Variants in JAK2 observed in about 807,000 individuals in gnomAD.
JAK2 encodes Janus kinase 2.
Under a neutral mutation model 139.3 loss-of-function variants are expected in JAK2, and 86 were observed. That is an observed-to-expected ratio of 0.62 (90% CI 0.52 to 0.74). JAK2 has a LOEUF of 0.74. Among genes scored for constraint, JAK2 ranks in the 30% least tolerant of loss-of-function variants. The pLI is 0.00. For missense variants in JAK2, 1,421 were observed against 1,360.3 expected (o/e 1.04, Z -0.70); for synonymous variants, 490 against 437.7 (o/e 1.12, Z -1.49).
Position 5,070,072 on chromosome 9 carries a change from TTAC to T in JAK2, c.1641+22_1641+24del. ...ATATTTGTAAGTCATTAGATACTCA[TTAC>T]TGTCTTTTTTGTCCTTTTAAAACAA... is the stretch of plus-strand genomic sequence containing the variant. On this transcript the variant is annotated intron_variant, in intron 12 of 24. Coordinates refer to ENST00000381652, the MANE Select transcript of JAK2 (RefSeq NM_004972.4). 6.4e-7 allele frequency: 1 copy of T among 1,561,818 alleles called. No individual in the cohort carries two copies. Among genetic ancestry groups the T allele is most frequent in the Non-Finnish European group, 8.7e-7 (1 of 1,144,774 alleles).
chr9:5,106,122 C>G (rs1282536489), intron 22 of JAK2, among the ~76,000 whole-genome samples: 1 of 152,030 alleles, frequency 6.6e-6, no homozygotes, highest in Non-Finnish European at 1.5e-5. Flanking sequence ...AGTGGACAGG[C>G]AACCTACAGA....
chr9:5,028,215 A>C (rs1482081586), intron 3 of JAK2, among the ~76,000 whole-genome samples: 7 of 152,212 alleles, frequency 4.6e-5, no homozygotes, highest in Non-Finnish European at 8.8e-5. Flanking sequence ...CAGGCATGAA[A>C]ACAACATGAA....
intron 22 of JAK2, among the ~76,000 whole-genome samples, chr9:5,107,343 A>C (rs1822046172): frequency 6.6e-6 from 1 of 152,158 alleles, no homozygotes; most frequent in Non-Finnish European, 1.5e-5. Context: ...ATGAAGGCAG[A>C]TTTGACCCAA....
chr9:5,004,196 T>C (rs987735818), intron 2 of JAK2, among the ~76,000 whole-genome samples: 1 of 152,176 alleles, frequency 6.6e-6, no homozygotes, highest in Non-Finnish European at 1.5e-5. Context: ...TTGTTATTGG[T>C]AATCACCATG....
At chr9:5,095,972 C>G (rs1412142292) in intron 22 of JAK2, among the ~76,000 whole-genome samples, 1 of 152,170 alleles carries the variant, frequency 6.6e-6, no homozygotes, top group Non-Finnish European at 1.5e-5. Context: ...ATTCTACTAT[C>G]CCTAGGAGCT....
At position 5,071,595 on chromosome 9, in the gene JAK2, C is replaced by G. The variant is rs148539331; in HGVS notation, c.1642-897C>G. Among the ~76,000 whole-genome samples, 3 of 152,098 alleles carry G rather than the reference C, an allele frequency of 2.0e-5. No homozygotes were observed. The East Asian group carries it at 5.8e-4, about 29-fold the overall frequency. The stretch of plus-strand genomic sequence containing the variant: ...AGATGTAGTGAACCTCAAGACAGAT[C>G]TGAAGAAATTAAGAATGCAGCAGTT... On this transcript the variant is annotated intron_variant, in intron 12 of 24. Transcript: ENST00000381652.
At chr9:5,038,949 T>A (rs190524770) in intron 4 of JAK2, among the ~76,000 whole-genome samples, 91 of 152,128 alleles carry the variant, frequency 6.0e-4, no homozygotes, top group Middle Eastern at 3.4e-3. Context: ...TTTGATAAAA[T>A]CCAGCATCCC....
intron 22 of JAK2, among the ~76,000 whole-genome samples, chr9:5,121,778 T>C (rs1823632078): frequency 6.6e-6 from 1 of 152,190 alleles, no homozygotes; most frequent in South Asian, 2.1e-4. Flanking sequence ...TTTGTTCTTT[T>C]TAAATTTGTA....
rs151255469 is a variant in JAK2 at position 5,102,057 on chromosome 9, G to C, written c.3059+11146G>C. ...GAATGACTTTGACGAGCTGACAGAA[G>C]TAGGCTTCAGAAGGTTGGTAATAAC... On this transcript the variant is annotated intron_variant, in intron 22 of 24. Coordinates refer to ENST00000381652, the MANE Select transcript of JAK2 (RefSeq NM_004972.4). 2.0e-5 allele frequency among the ~76,000 whole-genome samples: 3 copies of C among 152,332 alleles called. No individual in the cohort carries two copies. The East Asian group carries it at 5.8e-4, about 29-fold the overall frequency.
intron 22 of JAK2, chr9:5,098,258 T>A (rs749249882): frequency 1.3e-5 from 2 of 152,232 alleles, no homozygotes; most frequent in Non-Finnish European, 2.9e-5. Flanking sequence ...CAAAAACCTC[T>A]GTGACTTTCT....
intron 6 of JAK2, among the ~76,000 whole-genome samples, chr9:5,052,605 C>T (rs1374073493): frequency 6.6e-6 from 1 of 152,036 alleles, no homozygotes; most frequent in Non-Finnish European, 1.5e-5. Flanking sequence ...ACATTTGCAT[C>T]CTTTCTGAAA....
At chr9:5,044,369 TG>T (rs1162207152) in intron 4 of JAK2, 33 bp from the exon 5 acceptor site, 1 of 1,353,088 alleles carries the variant, frequency 7.4e-7, no homozygotes, top group African/African-American at 1.4e-5. Context: ...TTGAACTATT[TG>T]GAAGCTGACC....
chr9:5,079,045 A>G (rs1476922558), intron 16 of JAK2, among the ~76,000 whole-genome samples: 2 of 152,194 alleles, frequency 1.3e-5, no homozygotes, highest in African/African-American at 4.8e-5. Context: ...TTTAGATTCT[A>G]AATTGATCAA....
intron 4 of JAK2, among the ~76,000 whole-genome samples, chr9:5,036,740 A>T (rs1292397210): frequency 6.6e-6 from 1 of 152,178 alleles, no homozygotes; most frequent in Non-Finnish European, 1.5e-5. Flanking sequence ...TAAATGTTAG[A>T]CCTAAAACCA....
At chr9:5,061,186 T>G (rs189491899) in intron 8 of JAK2, among the ~76,000 whole-genome samples, 1 of 152,200 alleles carries the variant, frequency 6.6e-6, no homozygotes, top group African/African-American at 2.4e-5. Flanking sequence ...AGCCCTGGGA[T>G]TTTTGGAATG....
intron 2 of JAK2, among the ~76,000 whole-genome samples, chr9:4,989,214 TG>T (rs1820117484): frequency 6.6e-6 from 1 of 152,226 alleles, no homozygotes; most frequent in Non-Finnish European, 1.5e-5. Flanking sequence ...TCCTTAAGCT[TG>T]TAAGCTGATT....
At chr9:5,023,141 A>G (rs1406518102) in intron 3 of JAK2, among the ~76,000 whole-genome samples, 1 of 152,146 alleles carries the variant, frequency 6.6e-6, no homozygotes, top group East Asian at 1.9e-4. Context: ...CCATTAACCA[A>G]CATCTCTTCA....
chr9:5,036,922 G>T (rs938344440), intron 4 of JAK2, among the ~76,000 whole-genome samples: 2 of 152,164 alleles, frequency 1.3e-5, no homozygotes, highest in Non-Finnish European at 2.9e-5. Context: ...AGAGTGAACA[G>T]GCAACCTACA....
intron 2 of JAK2, among the ~76,000 whole-genome samples, chr9:5,001,689 A>G (rs1404880784): frequency 3.3e-5 from 5 of 151,918 alleles, no homozygotes; most frequent in Non-Finnish European, 5.9e-5. Flanking sequence ...CTGGCCACAT[A>G]AAATGATTTG....
Sources: allele counts gnomAD v4.1 joint callset (sites outside exome capture counted in the v4.1 genomes callset), GRCh38; gene constraint gnomAD v4.1.1; transcripts MANE v1.5; gene names NCBI Gene and HGNC (gene_info 2026-07-23, HGNC 2026-07-21).